TTC23L: variants seen among roughly 807,000 people sequenced by gnomAD.
The protein encoded by TTC23L is tetratricopeptide repeat protein 23-like.
In TTC23L, 42 loss-of-function variants were observed where a neutral mutation model predicts 48.1. The ratio of observed to expected loss-of-function variants is 0.87; its 90% CI spans 0.68 to 1.13. The LOEUF is 1.13. TTC23L is among the 50% of genes most tolerant of loss of function. TTC23L has a pLI of 0.00. For missense variants in TTC23L, 391 were observed against 421.0 expected (o/e 0.93, Z 0.62); for synonymous variants, 159 against 157.2 (o/e 1.01, Z -0.09).
At chr5:34,922,814 A>C in the TTC23L span, 2 of 1,548,972 alleles carry the variant, frequency 1.3e-6, no homozygotes, top group African/African-American at 2.7e-5. Flanking sequence ...CTTATCTGGC[A>C]TGGTTGTTTT....
intron 3 of TTC23L, among the ~76,000 whole-genome samples, chr5:34,846,600 T>TATATATATATATATACAC (rs61009546): frequency 7.5e-5 from 7 of 92,912 alleles, no homozygotes; most frequent in African/African-American, 3.6e-4. Flanking sequence ...TATATATATA[T>TATATATATATATATACAC]ACACACACAT....
chr5:34,845,794 T>C lies in TTC23L; in HGVS notation c.255+121T>C, dbSNP rs1020377937. 24 of 1,069,142 alleles carry C rather than the reference T, an allele frequency of 2.2e-5. No homozygotes were observed. The African/African-American group carries it at 3.7e-4, about 16-fold the overall frequency. 66.2% of individuals were successfully genotyped at this position (1,069,142 alleles called of 1,614,324 possible). A position where few individuals can be genotyped will look rare whatever the true frequency, so the allele number is the denominator to read the frequency against. ...TAGAGGAAGGTGTCATATTTCTTTG[T>C]AAGTAGCAGAAAACAAAGCAGAGCC... is the stretch of plus-strand genomic sequence containing the variant. On this transcript the variant is annotated intron_variant, in intron 3 of 10. Transcript: ENST00000505624.
At chr5:34,915,479 C>G in the TTC23L span, 1 of 406,440 alleles carries the variant, frequency 2.5e-6, no homozygotes, top group Non-Finnish European at 4.4e-6. Flanking sequence ...AGGAGCGAGG[C>G]GGCTCCGAGG....
chr5:34,859,136 T>TAAAAACCACCC (rs1399022973), intron 4 of TTC23L, among the ~76,000 whole-genome samples: 1 of 152,100 alleles, frequency 6.6e-6, no homozygotes, highest in Non-Finnish European at 1.5e-5. Flanking sequence ...TTGGGGTGGT[T>TAAAAACCACCC]TTTAGTAGCT....
chr5:34,897,812 T>C (rs530159903), intron 10 of TTC23L, among the ~76,000 whole-genome samples: 1 of 152,370 alleles, frequency 6.6e-6, no homozygotes, highest in South Asian at 2.1e-4. Flanking sequence ...ATGAATACTT[T>C]TGCAGTTTGG....
chr5:34,874,960 T>TAA (rs1761727211), intron 8 of TTC23L, among the ~76,000 whole-genome samples: 1 of 152,158 alleles, frequency 6.6e-6, no homozygotes, highest in Non-Finnish European at 1.5e-5. Context: ...TTGTCTACAA[T>TAA]AAATCCACTT....
chr5:34,909,140 C>G, the TTC23L span: 862 of 954,048 alleles, frequency 9.0e-4, 2 homozygotes, highest in Non-Finnish European at 1.1e-3. Flanking sequence ...CTCTACTATT[C>G]ATTTTTATAA....
At chr5:34,859,359 T>C (rs527602365) in intron 4 of TTC23L, among the ~76,000 whole-genome samples, 1 of 152,318 alleles carries the variant, frequency 6.6e-6, no homozygotes, top group Admixed American at 6.5e-5. Context: ...GTGACCTAAC[T>C]AGTGATGCTG....
chr5:34,921,907 C>CA, the TTC23L span: 2,331 of 33,844 alleles, frequency 0.069, 59 homozygotes, highest in African/African-American at 0.13. Context: ...AACTGCATCG[C>CA]AAAAAAAAAA....
chr5:34,911,606 T>C, the TTC23L span: 4 of 1,614,214 alleles, frequency 2.5e-6, no homozygotes, highest in East Asian at 2.2e-5. Flanking sequence ...TCACTCGTCA[T>C]ATCCAATTCA....
intron 6 of TTC23L, among the ~76,000 whole-genome samples, chr5:34,864,866 A>G (rs1245818258): frequency 6.6e-6 from 1 of 152,190 alleles, no homozygotes; most frequent in Non-Finnish European, 1.5e-5. Flanking sequence ...CTGTGATCTG[A>G]ACTCACTAAC....
the TTC23L span, chr5:34,919,902 T>C: frequency 5.1e-6 from 5 of 988,652 alleles, no homozygotes; most frequent in Middle Eastern, 4.2e-4. Context: ...GGAAAGTAAT[T>C]GCAACAAAAT....
At chr5:34,916,185 GT>G in the TTC23L span, 3,737 of 225,188 alleles carry the variant, frequency 0.017, no homozygotes, top group East Asian at 0.022. Context: ...TTGTTCAGTT[GT>G]TTTTTTTTTT....
At chr5:34,851,422 C>G (rs1219271004) in intron 4 of TTC23L, among the ~76,000 whole-genome samples, 1 of 151,984 alleles carries the variant, frequency 6.6e-6, no homozygotes, top group Non-Finnish European at 1.5e-5. Context: ...CCTTTTACAC[C>G]CATTTATTTT....
At chr5:34,846,214 C>T (rs909620011) in intron 3 of TTC23L, among the ~76,000 whole-genome samples, 2 of 151,668 alleles carry the variant, frequency 1.3e-5, no homozygotes, top group African/African-American at 2.4e-5. Context: ...TTTGAAAAAC[C>T]TAAAAATTAT....
intron 9 of TTC23L, among the ~76,000 whole-genome samples, chr5:34,891,936 C>T (rs1393469172): frequency 4.6e-5 from 7 of 152,246 alleles, no homozygotes; most frequent in South Asian, 4.1e-4. Context: ...TAAATTACAA[C>T]GAAACCAAAC....
chr5:34,857,564 G>A (rs1056724336), intron 4 of TTC23L, among the ~76,000 whole-genome samples: 3 of 152,118 alleles, frequency 2.0e-5, no homozygotes, highest in African/African-American at 7.2e-5. Context: ...CTTTTACAAA[G>A]ATTCTGTAAA....
chr5:34,912,186 C>T, the TTC23L span, among the ~76,000 whole-genome samples: 1 of 152,164 alleles, frequency 6.6e-6, no homozygotes, highest in Non-Finnish European at 1.5e-5. Context: ...CTTGAAGGTT[C>T]AATGTGTGTA....
intron 9 of TTC23L, among the ~76,000 whole-genome samples, chr5:34,884,514 A>G (rs933534084): frequency 4.0e-5 from 6 of 151,846 alleles, no homozygotes; most frequent in Admixed American, 6.6e-5. Context: ...GAAAACCCTA[A>G]TGATCACATA....
Sources: allele counts gnomAD v4.1 joint callset (sites outside exome capture counted in the v4.1 genomes callset), GRCh38; gene constraint gnomAD v4.1.1; transcripts MANE v1.5; gene names NCBI Gene and HGNC (gene_info 2026-07-23, HGNC 2026-07-21).